The following RAD54B variants were observed in gnomAD, a reference collection of about 807,000 sequenced individuals.
The protein encoded by RAD54B is RAD54 homolog B.
In RAD54B, 78 loss-of-function variants were observed where a neutral mutation model predicts 95.8. The observed-to-expected ratio is 0.81, with a 90% CI of 0.68 to 0.98. The LOEUF (loss-of-function observed/expected upper bound fraction) is 0.98, where lower values mean the gene tolerates loss of function less well. Among genes scored for constraint, RAD54B ranks in the 50% least tolerant of loss-of-function variants. The pLI is 0.00. For missense variants in RAD54B, 957 were observed against 1,056.6 expected (o/e 0.91, Z 1.31); for synonymous variants, 328 against 354.9 (o/e 0.92, Z 0.85).
intron 3 of RAD54B, among the ~76,000 whole-genome samples, chr8:94,451,863 GAA>G (rs201302620): frequency 2.0e-5 from 3 of 146,834 alleles, no homozygotes; most frequent in African/African-American, 5.0e-5. Flanking sequence ...GGTCCAGCAG[GAA>G]AAAAAAAAAG....
At chr8:94,372,542 A>G (rs1158143204) in intron 14 of RAD54B, among the ~76,000 whole-genome samples, 155 bp from the exon 15 acceptor site, 2 of 152,252 alleles carry the variant, frequency 1.3e-5, no homozygotes, top group East Asian at 1.9e-4. Context: ...ACAAACATTT[A>G]TAAGTTATTT....
At chr8:94,410,740 A>T (rs1811507816) in intron 4 of RAD54B, among the ~76,000 whole-genome samples, 1 of 152,194 alleles carries the variant, frequency 6.6e-6, no homozygotes, top group East Asian at 1.9e-4. Context: ...ATTACATATC[A>T]TTCAACTTGA....
Position 94,453,928 on chromosome 8 carries a change from A to ATT in RAD54B, c.304+4338_304+4339dup, listed in dbSNP as rs558321392. On this transcript the variant is annotated intron_variant, in intron 3 of 14. Coordinates refer to ENST00000336148, the MANE Select transcript of RAD54B (RefSeq NM_012415.3). Reference sequence around the variant, plus strand: ...GGCCTCAGCCTCCCAAGTAGCTGGGATTACAGGTGTGCACCACCACACTCA... The same window carrying ATT: ...GGCCTCAGCCTCCCAAGTAGCTGGGATTTTACAGGTGTGCACCACCACACTCA... Among the ~76,000 whole-genome samples the ATT allele has an allele frequency of 5.1e-3, 770 of 152,132 alleles. 4 individuals are homozygous for ATT. The highest frequency in any genetic ancestry group is 0.01 in the Middle Eastern group (3 of 290).
At chr8:94,454,147 CT>C (rs1270939691) in intron 3 of RAD54B, among the ~76,000 whole-genome samples, 5 of 146,012 alleles carry the variant, frequency 3.4e-5, no homozygotes, top group African/African-American at 1.3e-4. Context: ...CGTGCATTAC[CT>C]TTTAAAAAAA....
chr8:94,465,607 T>C (rs1813006065), intron 2 of RAD54B, among the ~76,000 whole-genome samples: 1 of 152,188 alleles, frequency 6.6e-6, no homozygotes, highest in African/African-American at 2.4e-5. Context: ...TGACGGTTCC[T>C]CAGAAAGCTA....
In RAD54B at chr8:94,468,597, G is replaced by A. The variant is rs181490971; in HGVS notation, c.-16-1042C>T. Among the ~76,000 whole-genome samples, 51 of 151,990 alleles carry A rather than the reference G, an allele frequency of 3.4e-4. 1 individual carries two copies. The South Asian group carries it at 0.01, about 31-fold the overall frequency. ...TCCCAGCACTTCAGGAGGCCGAGGC[G>A]GGCGGATCACGAGGTCAGGAGATCG... On this transcript the variant is annotated intron_variant, in intron 1 of 14. Transcript: ENST00000336148.
chr8:94,474,265 T>A (rs1177380205), intron 1 of RAD54B, among the ~76,000 whole-genome samples: 1 of 152,124 alleles, frequency 6.6e-6, no homozygotes, highest in Non-Finnish European at 1.5e-5. Flanking sequence ...GGTAACATGC[T>A]CACTACCTGG....
At chr8:94,410,215 A>G (rs1341757444) in intron 4 of RAD54B, among the ~76,000 whole-genome samples, 1 of 152,152 alleles carries the variant, frequency 6.6e-6, no homozygotes, top group African/African-American at 2.4e-5. Flanking sequence ...CTTAAACGGT[A>G]ACTCCTATCA....
chr8:94,376,505 G>A (rs1334789816), intron 14 of RAD54B, among the ~76,000 whole-genome samples: 1 of 151,174 alleles, frequency 6.6e-6, no homozygotes, highest in Non-Finnish European at 1.5e-5. Flanking sequence ...CAAGGAAAAA[G>A]GAGAAAAGAA....
intron 3 of RAD54B, among the ~76,000 whole-genome samples, chr8:94,425,230 T>TTTG: frequency 1.8e-5 from 1 of 55,364 alleles, no homozygotes; most frequent in African/African-American, 7.3e-5. Context: ...TTTAATATTC[T>TTTG]TTTTTTTTTT....
At chr8:94,442,181 TA>T (rs544274387) in intron 3 of RAD54B, among the ~76,000 whole-genome samples, 321 of 152,134 alleles carry the variant, frequency 2.1e-3, no homozygotes, top group African/African-American at 7.1e-3. Flanking sequence ...ATGTGGGAGC[TA>T]AAAGGGTGAA....
At position 94,467,561 on chromosome 8, in the gene RAD54B, A is replaced by G; in HGVS notation, c.-16-6T>C. The G allele has an allele frequency of 6.3e-7, 1 of 1,599,604 alleles. No individual in the cohort carries two copies. Among genetic ancestry groups the G allele is most frequent in the Non-Finnish European group, 8.5e-7 (1 of 1,176,318 alleles). Reference sequence around the variant, plus strand: ...TCATATTCAGCAGTCGTGACCTGAAAAATACCCAAAACAGTTAACTATCCA... The same window carrying G: ...TCATATTCAGCAGTCGTGACCTGAAGAATACCCAAAACAGTTAACTATCCA... On this transcript the variant is annotated splice_region_variant and splice_polypyrimidine_tract_variant and intron_variant, in intron 1 of 14. Transcript: ENST00000336148.
intron 3 of RAD54B, among the ~76,000 whole-genome samples, chr8:94,457,411 T>A (rs1354323718): frequency 6.6e-6 from 1 of 152,198 alleles, no homozygotes; most frequent in Non-Finnish European, 1.5e-5. Context: ...GAGGAGCACA[T>A]AAATGGCACC....
intron 3 of RAD54B, among the ~76,000 whole-genome samples, chr8:94,417,643 C>A (rs896457466): frequency 6.6e-6 from 1 of 151,636 alleles, no homozygotes; most frequent in African/African-American, 2.4e-5. Flanking sequence ...CCAGCCATTA[C>A]ACTGCTAGGT....
intron 3 of RAD54B, among the ~76,000 whole-genome samples, chr8:94,455,576 G>T (rs984337443): frequency 6.6e-6 from 1 of 152,190 alleles, no homozygotes; most frequent in East Asian, 1.9e-4. Flanking sequence ...ATACCCAAGA[G>T]ATCTGGGGCT....
chr8:94,387,662 T>C (rs1057058778), intron 10 of RAD54B, among the ~76,000 whole-genome samples: 1 of 152,210 alleles, frequency 6.6e-6, no homozygotes. Flanking sequence ...GTTTCTTCTG[T>C]AAGAAGGAAG....
chr8:94,430,497 A>G, intron 3 of RAD54B: 1 of 940,988 alleles, frequency 1.1e-6, no homozygotes, highest in Non-Finnish European at 1.3e-6. Flanking sequence ...ATGCATCAGA[A>G]TCGCTAAAGG....
intron 3 of RAD54B, chr8:94,427,971 A>C (rs1036605132): frequency 2.0e-5 from 18 of 918,994 alleles, no homozygotes; most frequent in Non-Finnish European, 2.3e-5. Flanking sequence ...ATATCTCATC[A>C]TACACAAAAG....
rs1213775029 is a variant in RAD54B, at chr8:94,425,337, G to C, written c.305-14022C>G. ...CACAAAGTGCTAGGATTACAGGCAT[G>C]AGCCACCGCACCCAGCCTAATATTC... On this transcript the variant is annotated intron_variant, in intron 3 of 14. Coordinates refer to ENST00000336148, the MANE Select transcript of RAD54B (RefSeq NM_012415.3). Among the ~76,000 whole-genome samples, 3 of 149,650 alleles carry C rather than the reference G, an allele frequency of 2.0e-5. No individual in the cohort carries two copies. The East Asian group carries it at 6.0e-4, about 30-fold the overall frequency.
Sources: allele counts gnomAD v4.1 joint callset (sites outside exome capture counted in the v4.1 genomes callset), GRCh38; gene constraint gnomAD v4.1.1; transcripts MANE v1.5; gene names NCBI Gene and HGNC (gene_info 2026-07-23, HGNC 2026-07-21).